The following ZNF181 variants were observed in gnomAD, a reference collection of about 807,000 sequenced individuals.
ZNF181 encodes zinc finger protein 181 (HHZ181).
In ZNF181, 8 loss-of-function variants were observed where a neutral mutation model predicts 11.9. The observed-to-expected ratio is 0.67, with a 90% confidence interval of 0.39 to 1.21. The LOEUF (loss-of-function observed/expected upper bound fraction) is 1.21. Among genes scored for constraint, ZNF181 ranks in the 50% most tolerant of loss-of-function variants. ZNF181 has a pLI of 0.01. For missense variants in ZNF181, 542 were observed against 670.9 expected, an observed-to-expected ratio of 0.81 and a Z score of 2.12; for synonymous variants, 202 against 221.1, an observed-to-expected ratio of 0.91 and a Z score of 0.77.
Position 34,734,873 on chromosome 19 carries a change from G to T in ZNF181, c.-165G>T, listed in dbSNP as rs982155451. 9.3e-6 allele frequency: 6 copies of T among 647,954 alleles called. No homozygotes were observed. In the African/African-American group the frequency reaches 1.1e-4, roughly 12 times the overall value. 40.1% of individuals were successfully genotyped at this position (647,954 alleles called of 1,614,324 possible). A position where few individuals can be genotyped will look rare whatever the true frequency, so the allele number is the denominator to read the frequency against. ...GGGAGAGATTGGCGCCCTGGAGAGT[G>T]ATTACCAGTGTGCCTTTCCATTATG... On this transcript the variant is annotated 5_prime_UTR_variant, in exon 1 of 4. Coordinates refer to ENST00000492450, the MANE Select transcript of ZNF181 (RefSeq NM_001029997.4).
chr19:34,740,575 A>G, intron 3 of ZNF181, 36 bp from the exon 4 acceptor site: 1 of 1,519,954 alleles, frequency 6.6e-7, no homozygotes, highest in East Asian at 2.3e-5. Flanking sequence ...GTTAAAAAAA[A>G]ACAAAACAGT....
chr19:34,735,101 T>C, intron 1 of ZNF181, 55 bp downstream of exon 1: 1 of 1,550,762 alleles, frequency 6.4e-7, no homozygotes, highest in Non-Finnish European at 8.7e-7. Context: ...ACTGTGTGTT[T>C]GCTTTGCTTC....
chr19:34,738,465 C>G (rs1002100816), intron 1 of ZNF181, among the ~76,000 whole-genome samples: 4 of 152,116 alleles, frequency 2.6e-5, no homozygotes, highest in African/African-American at 9.7e-5. Context: ...CGATTAAGTT[C>G]AATACACGCG....
In ZNF181 at chr19:34,739,543, C is replaced by A; in HGVS notation, c.151C>A (p.Pro51Thr). The change falls in exon 3 of 4, where the codon CCA becomes ACA. Residue 51 changes from proline to threonine, a missense_variant. Physicochemically the swap from Pro to Thr is conservative, Grantham distance 38. Coordinates refer to ENST00000492450, the MANE Select transcript of ZNF181 (RefSeq NM_001029997.4). ...GTAAGCAGGTCTTTCTGTAACTAAG[C>A]CATATGTGATCACGTTATTGGAGGA... ...VSVAGLSVTK[P>T]YVITLLEDGK... The A allele has an allele frequency of 6.2e-7, 1 of 1,613,910 alleles. No homozygotes were observed. Among genetic ancestry groups the A allele is most frequent in the Non-Finnish European group, 8.5e-7 (1 of 1,179,940 alleles).
rs2068999984 is a variant in ZNF181, at chr19:34,742,814, A to T, written c.*717A>T. ...TATTGAAAATTAAAGCTGCAAAAGA[A>T]ATAAAGTGATGTTAATAAAAGTTTT... On this transcript the variant is annotated 3_prime_UTR_variant, in exon 4 of 4. Coordinates refer to ENST00000492450, the MANE Select transcript of ZNF181 (RefSeq NM_001029997.4). 6.6e-6 allele frequency: 1 copy of T among 152,212 alleles called. No individual in the cohort carries two copies. The highest frequency in any genetic ancestry group is 1.5e-5 in the Non-Finnish European group (1 of 68,036). The allele number at this position is 152,212 out of a possible 1,614,324, so 9.4% of individuals were successfully genotyped here.
chr19:34,738,695 C>T (rs2068923919), intron 1 of ZNF181, among the ~76,000 whole-genome samples: 1 of 151,846 alleles, frequency 6.6e-6, no homozygotes, highest in African/African-American at 2.4e-5. Context: ...ACCCAGCTGC[C>T]CATTTTTTGT....
chr19:34,741,227 A>C lies in ZNF181; in HGVS notation c.846A>C (p.Arg282=). 1 of 1,614,028 alleles carries C rather than the reference A, an allele frequency of 6.2e-7. No individual in the cohort carries two copies. Among genetic ancestry groups the C allele is most frequent in the Non-Finnish European group, 8.5e-7 (1 of 1,179,930 alleles). Residue 282 remains arginine, a synonymous_variant, in exon 4 of 4, where the codon CGA becomes CGC. Transcript: ENST00000492450. ...KTFSHGSSLT[R]HLISHSGEKP... Reference sequence around the variant, plus strand: ...TTAGCCATGGCTCATCCCTTACACGACATCTGATAAGCCATAGTGGAGAGA... The same window carrying C: ...TTAGCCATGGCTCATCCCTTACACGCCATCTGATAAGCCATAGTGGAGAGA...
rs1040094354 is a variant in ZNF181 at position 34,741,596 on chromosome 19, T to C, written c.1215T>C (p.Tyr405=). The change falls in exon 4 of 4, where the codon TAT becomes TAC. Residue 405 remains tyrosine, a synonymous_variant. Coordinates refer to ENST00000492450, the MANE Select transcript of ZNF181 (RefSeq NM_001029997.4). ...GAATTCACACTATGGAGAAACAATA[T>C]GAATGCAACAAATGTCTGAAAGTCT... ...HQRIHTMEKQ[Y]ECNKCLKVFS... The C allele has an allele frequency of 2.5e-6, 4 of 1,613,908 alleles. No homozygotes were observed. The highest frequency in any genetic ancestry group is 1.7e-6 in the Non-Finnish European group (2 of 1,179,968).
rs1197281722 is a variant in ZNF181, at chr19:34,740,705, A to G, written c.324A>G (p.Val108=). Residue 108 remains valine, a synonymous_variant, in exon 4 of 4, where the codon GTA becomes GTG. Transcript: ENST00000492450. ...AAACAGTAATAATAGAAAAAGTTGT[A>G]AAACAAAGTTATGAATTTTCAAATT... ...SPQTVIIEKV[V]KQSYEFSNSK... 33 of 1,613,072 alleles carry G rather than the reference A, an allele frequency of 2.0e-5. No homozygotes were observed. The highest frequency in any genetic ancestry group is 2.8e-5 in the Non-Finnish European group (33 of 1,179,576).
chr19:34,738,279 G>A (rs1453115356), intron 1 of ZNF181, among the ~76,000 whole-genome samples: 2 of 152,130 alleles, frequency 1.3e-5, no homozygotes, highest in Admixed American at 6.5e-5. Flanking sequence ...CCTTCTTGCT[G>A]TGTCCTTTTA....
Position 34,741,550 on chromosome 19 carries a change from C to A in ZNF181, c.1169C>A (p.Ser390Ter), listed in dbSNP as rs777582911. The change falls in exon 4 of 4, where the codon TCA (serine) becomes TAA (stop). Residue 390 changes from serine to a stop codon, truncating the protein, a stop_gained. Coordinates refer to ENST00000492450, the MANE Select transcript of ZNF181 (RefSeq NM_001029997.4). LOFTEE classifies it low-confidence loss of function (END_TRUNC). The part of the protein sequence containing the change: ...RECGKAFCCS[S>*]HLTRHQRIHT... ...TGTGGGAAAGCTTTCTGCTGTAGCT[C>A]ACACCTTACTCGACATCAAAGAATT... is the stretch of plus-strand genomic sequence containing the variant. 2 of 1,614,014 alleles carry A rather than the reference C, an allele frequency of 1.2e-6. No homozygotes were observed. The highest frequency in any genetic ancestry group is 2.2e-5 in the South Asian group (2 of 91,068).
In ZNF181 at chr19:34,741,428, T is replaced by C. The variant is rs779588170; in HGVS notation, c.1047T>C (p.Tyr349=). The C allele has an allele frequency of 8.1e-6, 13 of 1,613,946 alleles. No homozygotes were observed. The South Asian group carries it at 8.8e-5, about 11-fold the overall frequency. Reference sequence around the variant, plus strand: ...GAATTCATACTCAAGAAAAACTCTATGAGTGTCGTATATGTGGAAAGGCCT... The same window carrying C: ...GAATTCATACTCAAGAAAAACTCTACGAGTGTCGTATATGTGGAAAGGCCT... The part of the protein sequence containing the change: ...HLRIHTQEKL[Y]ECRICGKAFI... Residue 349 remains tyrosine (Y), a synonymous_variant, in exon 4 of 4, where the codon TAT becomes TAC. Transcript: ENST00000492450.
At position 34,742,465 on chromosome 19, in the gene ZNF181, C is replaced by T. The variant is rs2068995448; in HGVS notation, c.*368C>T. 5 of 160,042 alleles carry T rather than the reference C, an allele frequency of 3.1e-5. No homozygotes were observed. The highest frequency in any genetic ancestry group is 3.0e-4 in the Admixed American group (5 of 16,544). 9.9% of individuals were successfully genotyped at this position (160,042 alleles called of 1,614,324 possible). A position where few individuals can be genotyped will look rare whatever the true frequency, so the allele number is the denominator to read the frequency against. ...GGAAGTCTTCAGTTCCAAGTATATC[C>T]CTTATTCTACAGCAGAGAACTCAAA... On this transcript the variant is annotated 3_prime_UTR_variant, in exon 4 of 4. Transcript: ENST00000492450.
chr19:34,739,837 G>A (rs2068942823), intron 3 of ZNF181, among the ~76,000 whole-genome samples: 1 of 152,144 alleles, frequency 6.6e-6, no homozygotes, highest in Non-Finnish European at 1.5e-5. Flanking sequence ...ATCCAATCAA[G>A]GTTAGAGGTT....
chr19:34,734,660 G>C lies in ZNF181; in HGVS notation c.-378G>C. Reference sequence around the variant, plus strand: ...TTCAGTATCTTGGAATTTCAGTTTTGTCATCGTTTAAAAAATAGATCTGGA... The same window carrying C: ...TTCAGTATCTTGGAATTTCAGTTTTCTCATCGTTTAAAAAATAGATCTGGA... On this transcript the variant is annotated 5_prime_UTR_variant, in exon 1 of 4. Transcript: ENST00000492450. The C allele has an allele frequency of 4.3e-6, 1 of 234,994 alleles. No homozygotes were observed. Among genetic ancestry groups the C allele is most frequent in the Non-Finnish European group, 8.3e-6 (1 of 120,436 alleles). 14.6% of individuals were successfully genotyped at this position (234,994 alleles called of 1,614,324 possible).
rs763707130 is a variant in ZNF181, at chr19:34,739,593, G to C, written c.201G>C (p.Glu67Asp). The C allele has an allele frequency of 6.2e-7, 1 of 1,614,038 alleles. No homozygotes were observed. Among genetic ancestry groups the C allele is most frequent in the East Asian group, 2.2e-5 (1 of 44,880 alleles). Reference protein sequence around the residue: ...LEDGKEPWMMEKKLSKGMIPD... With the variant: ...LEDGKEPWMMDKKLSKGMIPD... The stretch of plus-strand genomic sequence containing the variant: ...ATGGAAAAGAGCCCTGGATGATGGA[G>C]AAAAAACTGTCAAAAGGTATGATTC... The change falls in exon 3 of 4, where the codon GAG becomes GAC. Residue 67 changes from glutamate (E) to aspartate (D), a missense_variant. By Grantham distance (45) the Glu-to-Asp change is conservative (BLOSUM62 2). Coordinates refer to ENST00000492450, the MANE Select transcript of ZNF181 (RefSeq NM_001029997.4).
intron 1 of ZNF181, among the ~76,000 whole-genome samples, chr19:34,736,844 C>T: frequency 6.6e-6 from 1 of 152,130 alleles, no homozygotes; most frequent in East Asian, 1.9e-4. Flanking sequence ...CTTTTGGGGA[C>T]AGAGATGAGT....
chr19:34,736,791 G>A (rs1048167509), intron 1 of ZNF181, among the ~76,000 whole-genome samples: 3 of 152,188 alleles, frequency 2.0e-5, no homozygotes, highest in Admixed American at 1.3e-4. Context: ...AAGTAAGAAA[G>A]CATAAGAAAT....
intron 1 of ZNF181, among the ~76,000 whole-genome samples, chr19:34,737,350 T>A (rs942032438): frequency 6.6e-6 from 1 of 152,224 alleles, no homozygotes; most frequent in Non-Finnish European, 1.5e-5. Flanking sequence ...AATATCCAAA[T>A]AATGTAATAC....
Sources: gnomAD v4.1 joint callset for allele counts (sites outside exome capture counted in the v4.1 genomes callset) on GRCh38, gnomAD v4.1.1 for gene constraint, MANE v1.5 for transcripts, NCBI Gene and HGNC (gene_info 2026-07-23, HGNC 2026-07-21) for gene names.